Variants in TNRC6A observed in about 807,000 individuals in gnomAD.
TNRC6A encodes trinucleotide repeat-containing gene 6A protein.
A neutral mutation model predicts 221.2 loss-of-function variants in TNRC6A; 44 were observed. The ratio of observed to expected loss-of-function variants is 0.20; its 90% CI spans 0.16 to 0.26. The LOEUF is 0.26. Ranked by LOEUF, TNRC6A falls within the 10% of genes least tolerant of loss-of-function variation. The pLI is 1.00. For missense variants in TNRC6A, 2,199 were observed against 2,404.4 expected (o/e 0.91, Z 1.79); for synonymous variants, 847 against 838.5 (o/e 1.01, Z -0.18).
At chr16:24,648,298 G>C (rs544521356) in intron 2 of TNRC6A, among the ~76,000 whole-genome samples, 2 of 17,632 alleles carry the variant, frequency 1.1e-4, no homozygotes, top group East Asian at 1.1e-3. Context: ...TTGAGATGGA[G>C]TCTCGCTCTG....
At chr16:24,611,083 G>A (rs1900035565) in intron 1 of TNRC6A, among the ~76,000 whole-genome samples, 1 of 152,118 alleles carries the variant, frequency 6.6e-6, no homozygotes, top group Non-Finnish European at 1.5e-5. Flanking sequence ...AAAGAGCTGG[G>A]ATTACAGGCA....
At chr16:24,690,541 G>C (rs973420256) in intron 2 of TNRC6A, among the ~76,000 whole-genome samples, 1 of 151,996 alleles carries the variant, frequency 6.6e-6, no homozygotes, top group Non-Finnish European at 1.5e-5. Context: ...GAAAACATCT[G>C]TTCACAAGTA....
At chr16:24,702,574 GC>G (rs1256157596) in intron 2 of TNRC6A, among the ~76,000 whole-genome samples, 4 of 152,016 alleles carry the variant, frequency 2.6e-5, no homozygotes, top group Admixed American at 2.6e-4. Context: ...TTCAGTAACA[GC>G]TTTTTTGAGA....
intron 2 of TNRC6A, among the ~76,000 whole-genome samples, chr16:24,694,288 G>A (rs1037207775): frequency 1.3e-5 from 2 of 152,112 alleles, no homozygotes; most frequent in East Asian, 3.9e-4. Context: ...CAGCACAATA[G>A]CAGCCAAGCC....
chr16:24,686,105 A>G (rs1445904119), intron 2 of TNRC6A, among the ~76,000 whole-genome samples: 1 of 152,138 alleles, frequency 6.6e-6, no homozygotes, highest in Admixed American at 6.6e-5. Context: ...GTTAAGTCCA[A>G]CCAGAACGTG....
intron 2 of TNRC6A, among the ~76,000 whole-genome samples, chr16:24,717,352 T>C (rs907743300): frequency 1.3e-5 from 2 of 152,180 alleles, no homozygotes; most frequent in Non-Finnish European, 2.9e-5. Context: ...AATTCTCCAA[T>C]GTACATTCTC....
Position 24,823,317 on chromosome 16 carries a change from C to T in TNRC6A, c.5514-115C>T, listed in dbSNP as rs978518120. 39 of 1,307,442 alleles carry T rather than the reference C, an allele frequency of 3.0e-5. No individual in the cohort carries two copies. Among genetic ancestry groups the T allele is most frequent in the Middle Eastern group, 2.7e-4 (1 of 3,722 alleles). 81.0% of individuals were successfully genotyped at this position (1,307,442 alleles called of 1,614,324 possible). On this transcript the variant is annotated intron_variant, in intron 24 of 24. Transcript: ENST00000395799. This position sits in a 1 kb window ranked among gnomAD's most constrained non-coding sequence, Gnocchi z 4.3. ...ACGCAGGTTATGTGGTGTAGTCTCT[C>T]CCTCTGTGCCTTCTGTGGCTTTTCT...
At chr16:24,782,534 T>C (rs1189110647) in intron 5 of TNRC6A, among the ~76,000 whole-genome samples, 1 of 152,100 alleles carries the variant, frequency 6.6e-6, no homozygotes, top group Non-Finnish European at 1.5e-5. Context: ...TGCCAACCCC[T>C]GAACCAAAGG....
intron 2 of TNRC6A, among the ~76,000 whole-genome samples, chr16:24,686,705 CA>C (rs201407537): frequency 0.014 from 2,102 of 152,220 alleles, 17 homozygotes; most frequent in Non-Finnish European, 0.02. Context: ...TGGAGACAGG[CA>C]TGTAAATAAG....
At chr16:24,753,468 C>A (rs902839200) in intron 3 of TNRC6A, among the ~76,000 whole-genome samples, 13 of 152,192 alleles carry the variant, frequency 8.5e-5, no homozygotes, top group African/African-American at 3.1e-4. Flanking sequence ...TTAGACTGTT[C>A]TCCAAATTTC....
intron 2 of TNRC6A, among the ~76,000 whole-genome samples, chr16:24,642,090 A>G (rs1445374486): frequency 6.6e-6 from 1 of 152,176 alleles, no homozygotes; most frequent in Non-Finnish European, 1.5e-5. Context: ...CAGAGGATCT[A>G]CCTGAATCAG....
intron 2 of TNRC6A, among the ~76,000 whole-genome samples, chr16:24,691,169 A>C (rs1241766999): frequency 6.6e-6 from 1 of 152,012 alleles, no homozygotes; most frequent in Non-Finnish European, 1.5e-5. Flanking sequence ...TGGAGGGTAA[A>C]GATAGTTAAG....
At chr16:24,733,573 GAAC>G (rs1403867279) in intron 2 of TNRC6A, among the ~76,000 whole-genome samples, 1 of 152,152 alleles carries the variant, frequency 6.6e-6, no homozygotes, top group African/African-American at 2.4e-5. Context: ...GGCATTGTAA[GAAC>G]AACAACAGAA....
intron 2 of TNRC6A, among the ~76,000 whole-genome samples, chr16:24,641,249 C>T (rs2141755293): frequency 6.6e-6 from 1 of 152,272 alleles, no homozygotes; most frequent in Non-Finnish European, 1.5e-5. Flanking sequence ...GAGCTCTGGC[C>T]CTATCATGTC....
In TNRC6A at chr16:24,791,686, A is replaced by G. The variant is rs757424817; in HGVS notation, c.3044A>G (p.Asn1015Ser). 15 of 1,613,908 alleles carry G rather than the reference A, an allele frequency of 9.3e-6. No individual in the cohort carries two copies. The highest frequency in any genetic ancestry group is 1.1e-5 in the Non-Finnish European group (13 of 1,179,936). The change falls in exon 6 of 25, where the codon AAC (asparagine) becomes AGC (serine). Residue 1015 changes from asparagine to serine, a missense_variant. By Grantham distance (46) the Asn-to-Ser change is conservative. This residue lies in a region of TNRC6A where 1,405 missense variants were observed against 1,400.2 expected (regional missense o/e 1.00). Transcript: ENST00000395799. ...GCTTGGGGAGATCCAAGCAAATACA[A>G]CTACAAAAATGTGAACATGTGGAAC... ...TSAWGDPSKY[N>S]YKNVNMWNKN...
chr16:24,801,667 T>A (rs990013466), intron 11 of TNRC6A, among the ~76,000 whole-genome samples: 1 of 152,054 alleles, frequency 6.6e-6, no homozygotes, highest in African/African-American at 2.4e-5. Flanking sequence ...TTTTTGTATT[T>A]TTAGTAGAGA....
At position 24,804,248 on chromosome 16, in the gene TNRC6A, G is replaced by C. The variant is rs746490846; in HGVS notation, c.3766G>C (p.Gly1256Arg). Residue 1256 changes from glycine (G) to arginine (R), a missense_variant, in exon 12 of 25, where the codon GGG becomes CGG. By Grantham distance (125) the Gly-to-Arg change is moderately radical. This residue lies in a region of TNRC6A where 158 missense variants were observed against 159.1 expected (regional missense o/e 0.99). Transcript: ENST00000395799. ...LNIGDYNRTV[G>R]KGPGSRPQIS... is the part of the protein sequence containing the mutation. Reference sequence around the variant, plus strand: ...TATTGGTGATTACAATCGAACGGTCGGGAAAGGCCCTGGTTCTCGGCCTCA... The same window carrying C: ...TATTGGTGATTACAATCGAACGGTCCGGAAAGGCCCTGGTTCTCGGCCTCA... The C allele has an allele frequency of 1.9e-6, 3 of 1,613,714 alleles. No individual in the cohort carries two copies. Among genetic ancestry groups the C allele is most frequent in the South Asian group, 2.2e-5 (2 of 90,990 alleles).
chr16:24,788,382 G>T (rs934868650), intron 5 of TNRC6A, among the ~76,000 whole-genome samples: 3 of 152,284 alleles, frequency 2.0e-5, no homozygotes, highest in Admixed American at 6.5e-5. Flanking sequence ...GTTGAATACG[G>T]ACACTAATGA....
intron 2 of TNRC6A, among the ~76,000 whole-genome samples, chr16:24,716,033 T>C (rs112680301): frequency 5.5e-4 from 83 of 152,134 alleles, no homozygotes; most frequent in Non-Finnish European, 9.4e-4. Flanking sequence ...CTCTCCTCTT[T>C]GGTACTCTGA....
Sources: allele counts gnomAD v4.1 joint callset (sites outside exome capture counted in the v4.1 genomes callset), GRCh38; gene constraint gnomAD v4.1.1; regional missense constraint gnomAD v4.1.1; non-coding constraint Gnocchi (gnomAD v3.1); transcripts MANE v1.5; gene names NCBI Gene and HGNC (gene_info 2026-07-23, HGNC 2026-07-21).